Variants in MYT1L observed in about 807,000 individuals in gnomAD.
The protein encoded by MYT1L is myelin transcription factor 1 like.
MYT1L carries 12 observed loss-of-function variants against 126.7 expected under a neutral mutation model. The observed-to-expected ratio is 0.09, with a 90% confidence interval of 0.06 to 0.15. MYT1L has a LOEUF of 0.15. Ranked by LOEUF, MYT1L falls within the 10% of genes least tolerant of loss-of-function variation. The pLI is 1.00. For synonymous variants in MYT1L, 541 were observed against 604.2 expected (o/e 0.90, Z 1.53); for missense variants, 979 against 1,585.2 (o/e 0.62, Z 6.49).
intron 3 of MYT1L, among the ~76,000 whole-genome samples, chr2:2,167,868 A>G (rs1297860159): frequency 2.0e-5 from 3 of 152,230 alleles, no homozygotes; most frequent in Non-Finnish European, 4.4e-5. Context: ...GCTTTTCTGC[A>G]GAATTCTCTG....
intron 11 of MYT1L, among the ~76,000 whole-genome samples, chr2:1,915,027 C>T (rs2149054552): frequency 6.6e-6 from 1 of 152,084 alleles, no homozygotes; most frequent in Non-Finnish European, 1.5e-5. Flanking sequence ...AGAGCCCCGG[C>T]CTCGTGCAGA....
At chr2:1,891,059 T>C (rs1460017644) in intron 15 of MYT1L, among the ~76,000 whole-genome samples, 1 of 152,248 alleles carries the variant, frequency 6.6e-6, no homozygotes, top group African/African-American at 2.4e-5. Flanking sequence ...CCTTGCATTT[T>C]TGCAACCTTG....
chr2:1,959,634 C>T (rs555233051), intron 8 of MYT1L, among the ~76,000 whole-genome samples: 2 of 152,182 alleles, frequency 1.3e-5, no homozygotes, highest in Non-Finnish European at 2.9e-5. Context: ...TTGGGAAGCC[C>T]CTGGCTACCT....
At chr2:2,264,773 C>T (rs2149305645) in intron 2 of MYT1L, among the ~76,000 whole-genome samples, 1 of 152,244 alleles carries the variant, frequency 6.6e-6, no homozygotes, top group Non-Finnish European at 1.5e-5. Flanking sequence ...GTAAAAATGT[C>T]CAGAGGAATT....
intron 3 of MYT1L, among the ~76,000 whole-genome samples, chr2:2,167,435 G>A (rs1242415303): frequency 6.6e-6 from 1 of 152,104 alleles, no homozygotes; most frequent in Non-Finnish European, 1.5e-5. Flanking sequence ...AACTTCTCCT[G>A]GACTCTGTCA....
chr2:2,266,537 C>A (rs1473752024), intron 2 of MYT1L, among the ~76,000 whole-genome samples: 1 of 152,154 alleles, frequency 6.6e-6, no homozygotes, highest in Non-Finnish European at 1.5e-5. Context: ...GCTCCATGTG[C>A]TACATTACCC....
chr2:2,149,310 T>C (rs2085370395), intron 3 of MYT1L, among the ~76,000 whole-genome samples: 1 of 152,218 alleles, frequency 6.6e-6, no homozygotes, highest in Admixed American at 6.5e-5. Context: ...TAACTAGTGC[T>C]GCATATATAA....
chr2:1,881,844 T>A (rs761634741), intron 18 of MYT1L, among the ~76,000 whole-genome samples: 1 of 152,192 alleles, frequency 6.6e-6, no homozygotes, highest in Non-Finnish European at 1.5e-5. Flanking sequence ...CCTTTAATTC[T>A]CAATCACAAA....
intron 21 of MYT1L, among the ~76,000 whole-genome samples, chr2:1,821,126 C>A (rs2038461690): frequency 6.6e-6 from 1 of 152,204 alleles, no homozygotes; most frequent in African/African-American, 2.4e-5. Flanking sequence ...CCCCGGACGA[C>A]ATAGAACCAT....
intron 4 of MYT1L, among the ~76,000 whole-genome samples, chr2:2,031,775 C>A (rs903912673): frequency 6.9e-6 from 1 of 144,678 alleles, no homozygotes; most frequent in Non-Finnish European, 1.5e-5. Flanking sequence ...CTTATACACA[C>A]CCCTCGCCAG....
chr2:2,278,815 T>C (rs2095406050), intron 2 of MYT1L, among the ~76,000 whole-genome samples: 2 of 152,308 alleles, frequency 1.3e-5, no homozygotes, highest in South Asian at 4.1e-4. Flanking sequence ...AGTAGGACAG[T>C]GGTGAACTAT....
intron 9 of MYT1L, among the ~76,000 whole-genome samples, chr2:1,924,671 G>A (rs545756442): frequency 2.6e-5 from 4 of 152,196 alleles, no homozygotes; most frequent in South Asian, 4.1e-4. Flanking sequence ...TCTAAACTTC[G>A]GCAAATCAAA....
chr2:1,891,643 T>C (rs559211712), intron 15 of MYT1L, among the ~76,000 whole-genome samples: 43 of 152,256 alleles, frequency 2.8e-4, no homozygotes, highest in African/African-American at 1.0e-3. Context: ...CACGTGACAA[T>C]GGTGCTAGCA....
chr2:2,128,894 T>G (rs1272805161), intron 3 of MYT1L, among the ~76,000 whole-genome samples: 2 of 152,192 alleles, frequency 1.3e-5, no homozygotes, highest in African/African-American at 2.4e-5. Flanking sequence ...TTGCCCAACA[T>G]TATTTGCATA....
At chr2:1,968,147 ACT>A (rs1398327303) in intron 8 of MYT1L, among the ~76,000 whole-genome samples, 1 of 152,036 alleles carries the variant, frequency 6.6e-6, no homozygotes, top group Non-Finnish European at 1.5e-5. Flanking sequence ...TAGCAGCACC[ACT>A]CTCTGCTCTC....
chr2:2,005,179 CAT>C, intron 4 of MYT1L, among the ~76,000 whole-genome samples: 3 of 148,348 alleles, frequency 2.0e-5, no homozygotes, highest in Non-Finnish European at 3.0e-5. Context: ...TTCTTTCCTG[CAT>C]GTGTTTTTTC....
chr2:2,242,402 C>T (rs960815668), intron 2 of MYT1L, among the ~76,000 whole-genome samples: 2 of 152,122 alleles, frequency 1.3e-5, no homozygotes, highest in Admixed American at 6.6e-5. Context: ...AAATTTTCAC[C>T]ACATATTACG....
At chr2:2,313,668 T>C (rs1163905754) in intron 1 of MYT1L, among the ~76,000 whole-genome samples, 5 of 152,148 alleles carry the variant, frequency 3.3e-5, no homozygotes, top group Non-Finnish European at 5.9e-5. Context: ...CTATATACTA[T>C]ATACCATATA....
At position 1,801,485 on chromosome 2, in the gene MYT1L, C is replaced by T; in HGVS notation, c.3276+211G>A. ...TAAAAAACACAAACACACATGCAGA[C>T]TGAAAACGAGAGAACCACGGCCCCT... On this transcript the variant is annotated intron_variant, in intron 23 of 24. Coordinates refer to ENST00000647738, the MANE Select transcript of MYT1L (RefSeq NM_001303052.2). This position sits in a 1 kb window ranked among gnomAD's most constrained non-coding sequence, Gnocchi z 4.2. 2.0e-6 allele frequency: 1 copy of T among 491,202 alleles called. No homozygotes were observed. Among genetic ancestry groups the T allele is most frequent in the Non-Finnish European group, 3.6e-6 (1 of 279,972 alleles). The allele number at this position is 491,202 out of a possible 1,614,324, so 30.4% of individuals were successfully genotyped here. A position where few individuals can be genotyped will look rare whatever the true frequency, so the allele number is the denominator to read the frequency against.
Sources: allele counts gnomAD v4.1 joint callset (sites outside exome capture counted in the v4.1 genomes callset), GRCh38; gene constraint gnomAD v4.1.1; non-coding constraint Gnocchi (gnomAD v3.1); transcripts MANE v1.5; gene names NCBI Gene and HGNC (gene_info 2026-07-23, HGNC 2026-07-21).